Variants in NFIA observed in about 807,000 individuals in gnomAD.
The protein encoded by NFIA is nuclear factor 1 A-type.
Under a neutral mutation model 62.8 loss-of-function variants are expected in NFIA, and 8 were observed. The ratio of observed to expected loss-of-function variants is 0.13; its 90% CI spans 0.07 to 0.23. NFIA has a LOEUF of 0.23. NFIA is among the 10% of genes least tolerant of loss of function. The pLI is 1.00. For missense variants in NFIA, 410 were observed against 642.1 expected (o/e 0.64, Z 3.91); for synonymous variants, 235 against 238.1 (o/e 0.99, Z 0.12).
chr1:61,180,213 C>T (rs906054337), intron 2 of NFIA, among the ~76,000 whole-genome samples: 4 of 152,116 alleles, frequency 2.6e-5, no homozygotes, highest in African/African-American at 9.7e-5. Context: ...TGAACTCCGT[C>T]ACTCAAGAGG....
At chr1:61,267,677 T>C (rs1657258715) in intron 2 of NFIA, among the ~76,000 whole-genome samples, 1 of 152,204 alleles carries the variant, frequency 6.6e-6, no homozygotes, top group African/African-American at 2.4e-5. Flanking sequence ...CTGCTGTAAA[T>C]TGTTCCAAGG....
chr1:61,280,932 C>T (rs746211876), intron 3 of NFIA, among the ~76,000 whole-genome samples: 2 of 152,128 alleles, frequency 1.3e-5, no homozygotes, highest in Non-Finnish European at 2.9e-5. Flanking sequence ...TCTCAGTTTT[C>T]TTACCAGTAA....
intron 2 of NFIA, among the ~76,000 whole-genome samples, chr1:61,191,406 C>T (rs966556859): frequency 1.3e-5 from 2 of 151,932 alleles, no homozygotes; most frequent in African/African-American, 4.8e-5. Flanking sequence ...ATTTGCTTTC[C>T]GGAGAATCTG....
chr1:61,159,714 C>T (rs552457084), intron 2 of NFIA, among the ~76,000 whole-genome samples: 16 of 123,886 alleles, frequency 1.3e-4, no homozygotes, highest in South Asian at 2.6e-4. Context: ...TGGAGTCTTG[C>T]TCTGTTGCCC....
At chr1:61,122,728 T>G (rs921164181) in intron 2 of NFIA, among the ~76,000 whole-genome samples, 28 of 150,836 alleles carry the variant, frequency 1.9e-4, no homozygotes, top group Non-Finnish European at 2.1e-4. Flanking sequence ...ACTCTGCATT[T>G]CTGTCTGTTC....
At chr1:61,221,980 C>T (rs539553482) in intron 2 of NFIA, among the ~76,000 whole-genome samples, 2 of 151,970 alleles carry the variant, frequency 1.3e-5, no homozygotes, top group East Asian at 1.9e-4. Flanking sequence ...TAAAACTGAG[C>T]GTTTGGTCTT....
At chr1:61,443,452 G>C (rs1667674014) in intron 10 of NFIA, among the ~76,000 whole-genome samples, 1 of 152,022 alleles carries the variant, frequency 6.6e-6, no homozygotes, top group South Asian at 2.1e-4. Flanking sequence ...TTGCTTCTCT[G>C]AACCCCACCA....
intron 10 of NFIA, among the ~76,000 whole-genome samples, chr1:61,432,256 G>A (rs1029255558): frequency 3.5e-5 from 5 of 144,486 alleles, no homozygotes; most frequent in African/African-American, 1.3e-4. Context: ...ATGGTAGATC[G>A]TGTTCTAACC....
In NFIA at chr1:61,447,180, C is replaced by A. The variant is rs74702382; in HGVS notation, c.1513-8123C>A. ...GAAAAGATTATTTTAATGTGAAAATCAAAAATTACAAAGGGCTAGGCTGCT... is the reference window on the plus strand; with the variant it reads ...GAAAAGATTATTTTAATGTGAAAATAAAAAATTACAAAGGGCTAGGCTGCT... On this transcript the variant is annotated intron_variant, in intron 10 of 10. Transcript: ENST00000403491. Among the ~76,000 whole-genome samples, 146 of 152,116 alleles carry A rather than the reference C, an allele frequency of 9.6e-4. 1 individual carries two copies. The highest frequency in any genetic ancestry group is 3.3e-3 in the African/African-American group (139 of 41,526).
intron 2 of NFIA, among the ~76,000 whole-genome samples, chr1:61,148,875 C>CT (rs1459701725): frequency 2.0e-5 from 3 of 152,004 alleles, no homozygotes; most frequent in African/African-American, 2.4e-5. Flanking sequence ...TCTTTCTTTT[C>CT]TTTTTTTCAA....
At chr1:61,339,489 G>A (rs1661787052) in intron 4 of NFIA, among the ~76,000 whole-genome samples, 1 of 152,086 alleles carries the variant, frequency 6.6e-6, no homozygotes, top group Non-Finnish European at 1.5e-5. Flanking sequence ...ACCCCTCATA[G>A]AGAGGTAAAA....
At chr1:61,357,287 GC>G (rs1361347282) in intron 5 of NFIA, among the ~76,000 whole-genome samples, 7 of 152,348 alleles carry the variant, frequency 4.6e-5, no homozygotes, top group African/African-American at 1.7e-4. Context: ...ACACTGCCCT[GC>G]TTGCAGGGCT....
rs1388549790 is a variant in NFIA at position 61,358,367 on chromosome 1, T to TTTTCTTTC, written c.819-772_819-765dup. Among the ~76,000 whole-genome samples the TTTTCTTTC allele has an allele frequency of 2.5e-4, 29 of 117,350 alleles. 1 individual carries two copies. Among genetic ancestry groups the TTTTCTTTC allele is most frequent in the African/African-American group, 1.1e-3 (27 of 24,260 alleles). The allele number at this position is 117,350 out of a possible 152,430, so 77.0% of individuals were successfully genotyped here. The stretch of plus-strand genomic sequence containing the variant: ...AATCCAAACTTTTCATTTTCTTTTC[T>TTTTCTTTC]TTTCTTTCTTTCTTTTTTTTTTTTT... On this transcript the variant is annotated intron_variant, in intron 5 of 10. Coordinates refer to ENST00000403491, the MANE Select transcript of NFIA (RefSeq NM_001134673.4).
intron 6 of NFIA, among the ~76,000 whole-genome samples, chr1:61,373,766 A>G (rs912385145): frequency 4.0e-5 from 6 of 151,854 alleles, no homozygotes; most frequent in Non-Finnish European, 7.4e-5. Flanking sequence ...ATACAGTTCT[A>G]TATTTGTACA....
At chr1:61,371,922 T>C (rs1449578693) in intron 6 of NFIA, among the ~76,000 whole-genome samples, 3 of 152,132 alleles carry the variant, frequency 2.0e-5, no homozygotes, top group African/African-American at 7.2e-5. Context: ...AAGTGCTGGA[T>C]AAAGTTCATT....
intron 2 of NFIA, among the ~76,000 whole-genome samples, chr1:61,233,404 G>A (rs1393178092): frequency 1.3e-5 from 2 of 152,172 alleles, no homozygotes; most frequent in Non-Finnish European, 2.9e-5. Flanking sequence ...GGTGACGGGA[G>A]AAAGTTCCGT....
chr1:61,205,507 T>A (rs888393624), intron 2 of NFIA, among the ~76,000 whole-genome samples: 1 of 152,182 alleles, frequency 6.6e-6, no homozygotes, highest in Non-Finnish European at 1.5e-5. Context: ...TAGCACTCGG[T>A]CCAGTGTCTT....
At chr1:61,321,714 C>T (rs1660687715) in intron 3 of NFIA, among the ~76,000 whole-genome samples, 1 of 152,030 alleles carries the variant, frequency 6.6e-6, no homozygotes, top group Admixed American at 6.6e-5. Context: ...ACTAGATGAA[C>T]TTTAAGGTCC....
At position 61,460,857 on chromosome 1, in the gene NFIA, T is replaced by C. The variant is rs1463229926; in HGVS notation, c.*5537T>C. 2 of 152,238 alleles carry C rather than the reference T, an allele frequency of 1.3e-5. No individual in the cohort carries two copies. Among genetic ancestry groups the C allele is most frequent in the Admixed American group, 6.5e-5 (1 of 15,284 alleles). The allele number at this position is 152,238 out of a possible 1,614,324, so 9.4% of individuals were successfully genotyped here. On this transcript the variant is annotated 3_prime_UTR_variant, in exon 11 of 11. Transcript: ENST00000403491. Reference sequence around the variant, plus strand: ...ACTGTATGAATATTACTCAAAGTTATGTTAGTCTTTTTTTCCGACTTGGTT... The same window carrying C: ...ACTGTATGAATATTACTCAAAGTTACGTTAGTCTTTTTTTCCGACTTGGTT...
Sources: gnomAD v4.1 joint callset for allele counts (sites outside exome capture counted in the v4.1 genomes callset) on GRCh38, gnomAD v4.1.1 for gene constraint, MANE v1.5 for transcripts, NCBI Gene and HGNC (gene_info 2026-07-23, HGNC 2026-07-21) for gene names.